The following C1orf122 variants were observed in gnomAD, a reference collection of about 807,000 sequenced individuals.
C1orf122 encodes the protein uncharacterized protein C1orf122.
C1orf122 carries 12 observed loss-of-function variants against 12.9 expected under a neutral mutation model. That is an observed-to-expected ratio of 0.93 (90% CI 0.60 to 1.51). The LOEUF (loss-of-function observed/expected upper bound fraction) is 1.51. C1orf122 is among the 40% of genes most tolerant of loss of function. The probability of loss-of-function intolerance (pLI) is 0.00; values close to 1 mark genes in which losing one functional copy is unlikely to be tolerated. For missense variants in C1orf122, 144 were observed against 162.1 expected (o/e 0.89, Z 0.61); for synonymous variants, 57 against 73.4 (o/e 0.78, Z 1.14).
Position 37,808,109 on chromosome 1 carries a change from A to T in C1orf122, c.-296A>T. The stretch of plus-strand genomic sequence containing the variant: ...AGAGGCGACCGCTCCGGGAGCCAGC[A>T]GGCCCCTCGCTCAACCCCACGCTGG... On this transcript the variant is annotated 5_prime_UTR_variant, in exon 1 of 3. Coordinates refer to ENST00000373042, the MANE Select transcript of C1orf122 (RefSeq NM_198446.3). 1.4e-6 allele frequency: 2 copies of T among 1,442,124 alleles called. No individual in the cohort carries two copies. The highest frequency in any genetic ancestry group is 1.8e-6 in the Non-Finnish European group (2 of 1,102,400). 89.3% of individuals were successfully genotyped at this position (1,442,124 alleles called of 1,614,324 possible).
In C1orf122 at chr1:37,808,251, C is replaced by T. The variant is rs1030034674; in HGVS notation, c.-154C>T. On this transcript the variant is annotated 5_prime_UTR_variant, in exon 1 of 3. Coordinates refer to ENST00000373042, the MANE Select transcript of C1orf122 (RefSeq NM_198446.3). ...TCCGGTCCAGGAGACTCGGCCCCGC[C>T]TCTGCGCCGGGCAGCTTAAAGGGAC... 45 of 1,346,818 alleles carry T rather than the reference C, an allele frequency of 3.3e-5. No homozygotes were observed. In the African/African-American group the frequency reaches 5.5e-4, roughly 16 times the overall value. 83.4% of individuals were successfully genotyped at this position (1,346,818 alleles called of 1,614,324 possible). A position where few individuals can be genotyped will look rare whatever the true frequency, so the allele number is the denominator to read the frequency against.
intron 2 of C1orf122, 46 bp downstream of exon 2, chr1:37,808,778 C>A: frequency 6.8e-7 from 1 of 1,462,402 alleles, no homozygotes; most frequent in East Asian, 2.4e-5. Flanking sequence ...GGGGTCTGCC[C>A]ACTGGCTAGG....
At position 37,808,216 on chromosome 1, in the gene C1orf122, C is replaced by T; in HGVS notation, c.-189C>T. 7.1e-7 allele frequency: 1 copy of T among 1,404,204 alleles called. No individual in the cohort carries two copies. 87.0% of individuals were successfully genotyped at this position (1,404,204 alleles called of 1,614,324 possible). ...CCGCTTCCGGGAGGAAGTGACGCTC[C>T]CAGCCAGCTTCCGGTCCAGGAGACT... On this transcript the variant is annotated 5_prime_UTR_variant, in exon 1 of 3. Transcript: ENST00000373042.
chr1:37,809,043 G>A lies in C1orf122; in HGVS notation c.303G>A (p.Lys101=). 6.2e-7 allele frequency: 1 copy of A among 1,614,006 alleles called. No homozygotes were observed. Among genetic ancestry groups the A allele is most frequent in the Non-Finnish European group, 8.5e-7 (1 of 1,180,032 alleles). ...TCTCCGCCAGAGGCGGCTTTCCAAA[G>A]GATGCTGGCGATGGAGCTGCGGAGC... ...PAVSARGGFP[K]DAGDGAAEP is the part of the protein sequence containing the mutation. The change falls in exon 3 of 3, where the codon AAG becomes AAA. Residue 101 remains lysine (K), a synonymous_variant. Transcript: ENST00000373042.
At chr1:37,808,892 C>G in intron 2 of C1orf122, 86 bp from the exon 3 acceptor site, 2 of 1,487,950 alleles carry the variant, frequency 1.3e-6, no homozygotes, top group East Asian at 2.3e-5. Flanking sequence ...TTAATACTAT[C>G]CAAATGCCAA....
Position 37,809,331 on chromosome 1 carries a change from G to C in C1orf122, c.*258G>C. On this transcript the variant is annotated 3_prime_UTR_variant, in exon 3 of 3. Coordinates refer to ENST00000373042, the MANE Select transcript of C1orf122 (RefSeq NM_198446.3). Reference sequence around the variant, plus strand: ...TTGGGCAGACCAGCAGTGCTCGCCAGAGTGGTCTGGCCTGCTATGGGGGAT... The same window carrying C: ...TTGGGCAGACCAGCAGTGCTCGCCACAGTGGTCTGGCCTGCTATGGGGGAT... 1 of 576,284 alleles carries C rather than the reference G, an allele frequency of 1.7e-6. No individual in the cohort carries two copies. The highest frequency in any genetic ancestry group is 3.2e-6 in the Non-Finnish European group (1 of 312,990). The allele number at this position is 576,284 out of a possible 1,614,324, so 35.7% of individuals were successfully genotyped here.
chr1:37,808,804 C>T (rs1646763975), intron 2 of C1orf122, 72 bp downstream of exon 2: 8 of 1,467,658 alleles, frequency 5.5e-6, no homozygotes, highest in Admixed American at 4.8e-5. Flanking sequence ...CAAGCCCTAG[C>T]TTACCCTGGA....
rs1037333824 is a variant in C1orf122 at position 37,808,603 on chromosome 1, G to C, written c.108G>C (p.Arg36=). The C allele has an allele frequency of 4.6e-6, 6 of 1,306,006 alleles. No individual in the cohort carries two copies. Among genetic ancestry groups the C allele is most frequent in the Non-Finnish European group, 5.8e-6 (6 of 1,029,504 alleles). 80.9% of individuals were successfully genotyped at this position (1,306,006 alleles called of 1,614,324 possible). ...LGGRPPPQPP[R]EERAQQLLDA... is the part of the protein sequence containing the mutation. ...GGAGGCCACCCCCACAGCCGCCCCG[G>C]GAGGAGCGCGCCCAGCAGCTGCTGG... The change falls in exon 2 of 3, where the codon CGG becomes CGC. Residue 36 remains arginine (R), a synonymous_variant. Coordinates refer to ENST00000373042, the MANE Select transcript of C1orf122 (RefSeq NM_198446.3).
At position 37,808,200 on chromosome 1, in the gene C1orf122, G is replaced by A. The variant is rs1373659324; in HGVS notation, c.-205G>A. On this transcript the variant is annotated 5_prime_UTR_variant, in exon 1 of 3. Transcript: ENST00000373042. ...AGACATCCGCCCAGGCCCGCTTCCGGGAGGAAGTGACGCTCCCAGCCAGCT... is the reference window on the plus strand; with the variant it reads ...AGACATCCGCCCAGGCCCGCTTCCGAGAGGAAGTGACGCTCCCAGCCAGCT... The A allele has an allele frequency of 8.4e-6, 12 of 1,423,788 alleles. No homozygotes were observed. In the East Asian group the frequency reaches 3.6e-4, roughly 43 times the overall value. 88.2% of individuals were successfully genotyped at this position (1,423,788 alleles called of 1,614,324 possible).
At position 37,808,050 on chromosome 1, in the gene C1orf122, C is replaced by T; in HGVS notation, c.-355C>T. 7.6e-7 allele frequency: 1 copy of T among 1,320,820 alleles called. No homozygotes were observed. The highest frequency in any genetic ancestry group is 9.6e-7 in the Non-Finnish European group (1 of 1,040,160). 81.8% of individuals were successfully genotyped at this position (1,320,820 alleles called of 1,614,324 possible). A position where few individuals can be genotyped will look rare whatever the true frequency, so the allele number is the denominator to read the frequency against. On this transcript the variant is annotated 5_prime_UTR_variant, in exon 1 of 3. Coordinates refer to ENST00000373042, the MANE Select transcript of C1orf122 (RefSeq NM_198446.3). ...CCCCGGGAGCCGCAACAGCCGGGCG[C>T]CGGGGGCCGCCGGAGCGGGACTCGG... is the stretch of plus-strand genomic sequence containing the variant.
In C1orf122 at chr1:37,808,340, C is replaced by G. The variant is rs1314696120; in HGVS notation, c.-65C>G. 13 of 1,283,374 alleles carry G rather than the reference C, an allele frequency of 1.0e-5. No homozygotes were observed. Among genetic ancestry groups the G allele is most frequent in the South Asian group, 5.0e-5 (2 of 40,288 alleles). The allele number at this position is 1,283,374 out of a possible 1,614,324, so 79.5% of individuals were successfully genotyped here. On this transcript the variant is annotated 5_prime_UTR_variant, in exon 1 of 3. Coordinates refer to ENST00000373042, the MANE Select transcript of C1orf122 (RefSeq NM_198446.3). ...GGGGCGGGGCGCAGCCTTGCGAAGC[C>G]CTAACGCAGCGCTGGGGAGGGGGGC...
chr1:37,808,231 TC>T lies in C1orf122; in HGVS notation c.-172del, dbSNP rs1646756616. On this transcript the variant is annotated 5_prime_UTR_variant, in exon 1 of 3. Transcript: ENST00000373042. ...AGTGACGCTCCCAGCCAGCTTCCGGTCCAGGAGACTCGGCCCCGCCTCTGCG... is the reference window on the plus strand; with the variant it reads ...AGTGACGCTCCCAGCCAGCTTCCGGTCAGGAGACTCGGCCCCGCCTCTGCG... 1 of 1,378,062 alleles carries T rather than the reference TC, an allele frequency of 7.3e-7. No homozygotes were observed. The highest frequency in any genetic ancestry group is 9.4e-7 in the Non-Finnish European group (1 of 1,069,434). 85.4% of individuals were successfully genotyped at this position (1,378,062 alleles called of 1,614,324 possible).
In C1orf122 at chr1:37,808,156, C is replaced by A; in HGVS notation, c.-249C>A. The A allele has an allele frequency of 1.4e-6, 2 of 1,466,352 alleles. No individual in the cohort carries two copies. The highest frequency in any genetic ancestry group is 1.8e-6 in the Non-Finnish European group (2 of 1,114,930). The allele number at this position is 1,466,352 out of a possible 1,614,324, so 90.8% of individuals were successfully genotyped here. A position where few individuals can be genotyped will look rare whatever the true frequency, so the allele number is the denominator to read the frequency against. ...CTGGCAGCCACCGCGGCCCTCATCC[C>A]CCTGCACCGACGCGCCGGAGACATC... On this transcript the variant is annotated 5_prime_UTR_variant, in exon 1 of 3. Coordinates refer to ENST00000373042, the MANE Select transcript of C1orf122 (RefSeq NM_198446.3).
In C1orf122 at chr1:37,808,192, C is replaced by T. The variant is rs1051071153; in HGVS notation, c.-213C>T. ...CGCGCCGGAGACATCCGCCCAGGCC[C>T]GCTTCCGGGAGGAAGTGACGCTCCC... is the stretch of plus-strand genomic sequence containing the variant. On this transcript the variant is annotated 5_prime_UTR_variant, in exon 1 of 3. Coordinates refer to ENST00000373042, the MANE Select transcript of C1orf122 (RefSeq NM_198446.3). 27 of 1,429,370 alleles carry T rather than the reference C, an allele frequency of 1.9e-5. No individual in the cohort carries two copies. Among genetic ancestry groups the T allele is most frequent in the South Asian group, 2.8e-5 (2 of 71,790 alleles). 88.5% of individuals were successfully genotyped at this position (1,429,370 alleles called of 1,614,324 possible). A position where few individuals can be genotyped will look rare whatever the true frequency, so the allele number is the denominator to read the frequency against.
At chr1:37,808,891 T>C (rs1459227643) in intron 2 of C1orf122, 87 bp from the exon 3 acceptor site, 1 of 1,491,872 alleles carries the variant, frequency 6.7e-7, no homozygotes, top group Non-Finnish European at 9.1e-7. Context: ...GTTAATACTA[T>C]CCAAATGCCA....
Position 37,808,107 on chromosome 1 carries a change from G to A in C1orf122, c.-298G>A. ...GAAGAGGCGACCGCTCCGGGAGCCAGCAGGCCCCTCGCTCAACCCCACGCT... is the reference window on the plus strand; with the variant it reads ...GAAGAGGCGACCGCTCCGGGAGCCAACAGGCCCCTCGCTCAACCCCACGCT... On this transcript the variant is annotated 5_prime_UTR_variant, in exon 1 of 3. Coordinates refer to ENST00000373042, the MANE Select transcript of C1orf122 (RefSeq NM_198446.3). The A allele has an allele frequency of 6.9e-7, 1 of 1,440,628 alleles. No individual in the cohort carries two copies. The highest frequency in any genetic ancestry group is 9.1e-7 in the Non-Finnish European group (1 of 1,101,488). The allele number at this position is 1,440,628 out of a possible 1,614,324, so 89.2% of individuals were successfully genotyped here. A position where few individuals can be genotyped will look rare whatever the true frequency, so the allele number is the denominator to read the frequency against.
In C1orf122 at chr1:37,808,069, G is replaced by T; in HGVS notation, c.-336G>T. 7.4e-7 allele frequency: 1 copy of T among 1,355,764 alleles called. No individual in the cohort carries two copies. The highest frequency in any genetic ancestry group is 9.4e-7 in the Non-Finnish European group (1 of 1,059,876). 84.0% of individuals were successfully genotyped at this position (1,355,764 alleles called of 1,614,324 possible). A position where few individuals can be genotyped will look rare whatever the true frequency, so the allele number is the denominator to read the frequency against. ...CGGGCGCCGGGGGCCGCCGGAGCGG[G>T]ACTCGGCGGGCGGAAGAGGCGACCG... On this transcript the variant is annotated 5_prime_UTR_variant, in exon 1 of 3. Transcript: ENST00000373042.
Position 37,808,330 on chromosome 1 carries a change from C to T in C1orf122, c.-75C>T. On this transcript the variant is annotated 5_prime_UTR_variant, in exon 1 of 3. Coordinates refer to ENST00000373042, the MANE Select transcript of C1orf122 (RefSeq NM_198446.3). Reference sequence around the variant, plus strand: ...CGGTGGGGACGGGGCGGGGCGCAGCCTTGCGAAGCCCTAACGCAGCGCTGG... The same window carrying T: ...CGGTGGGGACGGGGCGGGGCGCAGCTTTGCGAAGCCCTAACGCAGCGCTGG... 7.8e-7 allele frequency: 1 copy of T among 1,280,278 alleles called. No homozygotes were observed. The highest frequency in any genetic ancestry group is 9.9e-7 in the Non-Finnish European group (1 of 1,014,280). 79.3% of individuals were successfully genotyped at this position (1,280,278 alleles called of 1,614,324 possible).
Position 37,808,392 on chromosome 1 carries a change from C to A in C1orf122, c.-13C>A, listed in dbSNP as rs1255050549. On this transcript the variant is annotated 5_prime_UTR_variant, in exon 1 of 3. Transcript: ENST00000373042. ...GCCGAAAGGGGGGCGGTGGTCGGGC[C>A]GCGCAAGCGGAGATGGAATGGGGCC... The A allele has an allele frequency of 7.8e-7, 1 of 1,285,562 alleles. No individual in the cohort carries two copies. Among genetic ancestry groups the A allele is most frequent in the Non-Finnish European group, 9.8e-7 (1 of 1,017,814 alleles). 79.6% of individuals were successfully genotyped at this position (1,285,562 alleles called of 1,614,324 possible).
Sources: allele counts gnomAD v4.1 joint callset, GRCh38; gene constraint gnomAD v4.1.1; transcripts MANE v1.5; gene names NCBI Gene and HGNC (gene_info 2026-07-23, HGNC 2026-07-21).